MAGI2: variants seen among roughly 807,000 people sequenced by gnomAD.
MAGI2 encodes membrane associated guanylate kinase, WW and PDZ domain containing 2, also known as membrane-associated guanylate kinase, WW and PDZ domain-containing protein 2.
MAGI2 carries 35 observed loss-of-function variants against 133.3 expected under a neutral mutation model. That is an observed-to-expected ratio of 0.26 (90% CI 0.20 to 0.35). The LOEUF is 0.35. Among genes scored for constraint, MAGI2 ranks in the 10% least tolerant of loss-of-function variants. MAGI2 has a pLI of 1.00. For synonymous variants in MAGI2, 729 were observed against 710.6 expected (o/e 1.03, Z -0.41); for missense variants, 1,636 against 1,863.4 (o/e 0.88, Z 2.25).
At chr7:78,388,957 A>G (rs928739399) in intron 6 of MAGI2, among the ~76,000 whole-genome samples, 12 of 152,218 alleles carry the variant, frequency 7.9e-5, no homozygotes, top group Admixed American at 5.2e-4. Context: ...CTTTTTCAAG[A>G]AAAATTTTAA....
intron 1 of MAGI2, among the ~76,000 whole-genome samples, chr7:79,049,911 A>G (rs1812516971): frequency 6.6e-6 from 1 of 152,186 alleles, no homozygotes; most frequent in African/African-American, 2.4e-5. Flanking sequence ...CACACTAAAT[A>G]CACATATTTT....
rs562280398 is a variant in MAGI2 at position 79,362,133 on chromosome 7, T to C, written c.301+90887A>G. On this transcript the variant is annotated intron_variant, in intron 1 of 21. Coordinates refer to ENST00000354212, the MANE Select transcript of MAGI2 (RefSeq NM_012301.4). ...AAAATCAATAAAACACATAGCTTTTTTTTAAAAAAACAATAAAATTGACAA... is the reference window on the plus strand; with the variant it reads ...AAAATCAATAAAACACATAGCTTTTCTTTAAAAAAACAATAAAATTGACAA... Among the ~76,000 whole-genome samples, 3 of 152,024 alleles carry C rather than the reference T, an allele frequency of 2.0e-5. No homozygotes were observed. In the East Asian group the frequency reaches 5.8e-4, roughly 29 times the overall value.
intron 11 of MAGI2, among the ~76,000 whole-genome samples, chr7:78,200,883 C>G (rs1487774810): frequency 6.6e-6 from 1 of 152,100 alleles, no homozygotes; most frequent in Non-Finnish European, 1.5e-5. Flanking sequence ...CAAAAGGTTT[C>G]TAAAGTATTT....
chr7:79,395,094 C>CAATT (rs1844945793), intron 1 of MAGI2, among the ~76,000 whole-genome samples: 1 of 152,072 alleles, frequency 6.6e-6, no homozygotes, highest in South Asian at 2.1e-4. Flanking sequence ...TTATTGAAAT[C>CAATT]AATTGGCCCA....
intron 3 of MAGI2, among the ~76,000 whole-genome samples, chr7:78,554,008 G>A (rs1347617163): frequency 6.6e-6 from 1 of 152,100 alleles, no homozygotes; most frequent in African/African-American, 2.4e-5. Flanking sequence ...TTGGTTATAT[G>A]TATTTTCCCC....
chr7:78,926,320 G>C (rs1034189908), intron 2 of MAGI2, among the ~76,000 whole-genome samples: 6 of 152,018 alleles, frequency 3.9e-5, no homozygotes, highest in African/African-American at 1.4e-4. Flanking sequence ...AGTAAAAGCA[G>C]GTAGCAGATA....
At chr7:79,186,191 A>AATATATATATATATATAT (rs60719172) in intron 1 of MAGI2, among the ~76,000 whole-genome samples, 31 of 111,772 alleles carry the variant, frequency 2.8e-4, no homozygotes, top group Admixed American at 3.7e-4. Context: ...TGCCTGGGAA[A>AATATATATATATATATAT]ATATATATAT....
chr7:78,803,786 T>A (rs914334310), intron 2 of MAGI2, among the ~76,000 whole-genome samples: 4 of 152,196 alleles, frequency 2.6e-5, no homozygotes, highest in African/African-American at 9.6e-5. Context: ...ACTAAAAATT[T>A]ACATAATATT....
At position 78,761,102 on chromosome 7, in the gene MAGI2, T is replaced by C. The variant is rs189134024; in HGVS notation, c.419-133863A>G. ...CTAAGGAAGCTGTCCAACTTTTATA[T>C]GGTTAATGTGGGCCAGAGGCCAGAC... On this transcript the variant is annotated intron_variant, in intron 2 of 21. Coordinates refer to ENST00000354212, the MANE Select transcript of MAGI2 (RefSeq NM_012301.4). Among the ~76,000 whole-genome samples, 525 of 152,334 alleles carry C rather than the reference T, an allele frequency of 3.4e-3. 4 individuals are homozygous for C. Among genetic ancestry groups the C allele is most frequent in the Non-Finnish European group, 4.5e-3 (309 of 68,026 alleles).
At chr7:78,489,703 G>A (rs1793414323) in intron 6 of MAGI2, 58 bp downstream of exon 6, 3 of 1,317,238 alleles carry the variant, frequency 2.3e-6, no homozygotes, top group Non-Finnish European at 3.3e-6. Flanking sequence ...TCTCATTTAA[G>A]AAACACAAAC....
At chr7:78,779,674 G>A (rs1230352509) in intron 2 of MAGI2, among the ~76,000 whole-genome samples, 1 of 152,094 alleles carries the variant, frequency 6.6e-6, no homozygotes, top group Non-Finnish European at 1.5e-5. Flanking sequence ...AACTCATCAG[G>A]CTCATAGATT....
intron 2 of MAGI2, among the ~76,000 whole-genome samples, chr7:78,737,081 TA>T (rs1821929184): frequency 6.6e-6 from 1 of 152,184 alleles, no homozygotes; most frequent in Non-Finnish European, 1.5e-5. Flanking sequence ...GAAGATAAAG[TA>T]AACCTGACAT....
rs192524462 is a variant in MAGI2, at chr7:78,293,289, C to G, written c.1409-36708G>C. Among the ~76,000 whole-genome samples the G allele has an allele frequency of 1.3e-4, 20 of 152,308 alleles. No homozygotes were observed. In the East Asian group the frequency reaches 3.9e-3, roughly 29 times the overall value. On this transcript the variant is annotated intron_variant, in intron 9 of 21. Transcript: ENST00000354212. ...AGTAGGCAAAGGATGTGAACAGACA[C>G]TTCTCAAAGGAAGACATTTATGCAG... is the stretch of plus-strand genomic sequence containing the variant.
chr7:79,033,612 T>A (rs1041146267), intron 1 of MAGI2, among the ~76,000 whole-genome samples: 1 of 152,192 alleles, frequency 6.6e-6, no homozygotes, highest in Non-Finnish European at 1.5e-5. Flanking sequence ...TGTTATTAAT[T>A]TGCATTAGGA....
chr7:78,357,917 T>C (rs569081607), intron 7 of MAGI2, among the ~76,000 whole-genome samples: 63 of 151,828 alleles, frequency 4.1e-4, no homozygotes, highest in Non-Finnish European at 7.1e-4. Flanking sequence ...ACTCAGTCTA[T>C]GTAATATAAT....
At chr7:78,530,742 T>G (rs921479308) in intron 3 of MAGI2, among the ~76,000 whole-genome samples, 3 of 152,180 alleles carry the variant, frequency 2.0e-5, no homozygotes, top group African/African-American at 7.2e-5. Context: ...ATTTTCTTTT[T>G]TTTTTGGACA....
At chr7:78,857,907 T>C (rs1793801686) in intron 2 of MAGI2, among the ~76,000 whole-genome samples, 1 of 152,214 alleles carries the variant, frequency 6.6e-6, no homozygotes, top group Non-Finnish European at 1.5e-5. Flanking sequence ...TGGTAGGCCA[T>C]TAATCATTGC....
At chr7:79,101,723 C>CAAAAAAAAAAAAAAAA (rs376256842) in intron 1 of MAGI2, among the ~76,000 whole-genome samples, 6 of 112,726 alleles carry the variant, frequency 5.3e-5, no homozygotes, top group East Asian at 2.7e-4. Flanking sequence ...GACTCTGTCA[C>CAAAAAAAAAAAAAAAA]AAAAAAAAAA....
chr7:79,036,373 GT>G (rs1474116443), intron 1 of MAGI2, among the ~76,000 whole-genome samples: 3 of 152,156 alleles, frequency 2.0e-5, no homozygotes, highest in Admixed American at 6.5e-5. Context: ...CCCACATCCT[GT>G]GTGTCAGGAA....
Sources: gnomAD v4.1 joint callset for allele counts (sites outside exome capture counted in the v4.1 genomes callset) on GRCh38, gnomAD v4.1.1 for gene constraint, MANE v1.5 for transcripts, NCBI Gene and HGNC (gene_info 2026-07-23, HGNC 2026-07-21) for gene names.